Variants in SLC44A1 observed in about 807,000 individuals in gnomAD.
The protein encoded by SLC44A1 is solute carrier family 44 member 1, also known as choline transporter-like protein 1.
In SLC44A1, 26 loss-of-function variants were observed where a neutral mutation model predicts 79.3. That is an observed-to-expected ratio of 0.33 (90% CI 0.24 to 0.46). The LOEUF (loss-of-function observed/expected upper bound fraction) is 0.46. Among genes scored for constraint, SLC44A1 ranks in the 20% least tolerant of loss-of-function variants. The probability of loss-of-function intolerance (pLI) is 1.00; values close to 1 mark genes in which losing one functional copy is unlikely to be tolerated. For synonymous variants in SLC44A1, 263 were observed against 286.2 expected, an observed-to-expected ratio of 0.92 and a Z score of 0.82; for missense variants, 688 against 798.1, an observed-to-expected ratio of 0.86 and a Z score of 1.66.
At chr9:105,311,834 CTCAGA>C (rs1458761161) in intron 3 of SLC44A1, among the ~76,000 whole-genome samples, 7 of 152,080 alleles carry the variant, frequency 4.6e-5, no homozygotes, top group Non-Finnish European at 1.0e-4. Context: ...TTTTACCCTT[CTCAGA>C]TAAGTCTATA....
At chr9:105,316,129 A>G (rs1002702091) in intron 3 of SLC44A1, among the ~76,000 whole-genome samples, 5 of 152,290 alleles carry the variant, frequency 3.3e-5, no homozygotes, top group Admixed American at 1.3e-4. Flanking sequence ...CAAAATAAAC[A>G]TACTTTTTTT....
intron 5 of SLC44A1, among the ~76,000 whole-genome samples, chr9:105,352,120 A>G (rs1357478510): frequency 6.6e-6 from 1 of 152,208 alleles, no homozygotes; most frequent in Non-Finnish European, 1.5e-5. Context: ...TAAATGAATA[A>G]TAAAAATGTT....
chr9:105,246,850 G>C (rs2131187409), intron 1 of SLC44A1, among the ~76,000 whole-genome samples: 2 of 152,288 alleles, frequency 1.3e-5, no homozygotes, highest in Middle Eastern at 3.4e-3. Context: ...CATTTGTCTA[G>C]CTCCACGTCA....
chr9:105,306,087 C>G (rs1034957574), intron 2 of SLC44A1, among the ~76,000 whole-genome samples: 2 of 152,090 alleles, frequency 1.3e-5, no homozygotes, highest in African/African-American at 4.8e-5. Context: ...TTGTCTGTTC[C>G]TCTTCTCTCT....
At position 105,437,198 on chromosome 9, in the gene SLC44A1, T is replaced by A. The variant is rs566348995; in HGVS notation, c.1951-1083T>A. On this transcript the variant is annotated intron_variant, in intron 15 of 15. Transcript: ENST00000374724. ...GGTACATAGAACACCATGCTACATA[T>A]TGTTACACCTCTGTTAAACATGTAT... Among the ~76,000 whole-genome samples the A allele has an allele frequency of 3.5e-4, 53 of 152,302 alleles. 1 individual carries two copies. The South Asian group carries it at 0.011, about 31-fold the overall frequency.
chr9:105,351,499 C>G (rs1275461675), intron 5 of SLC44A1, among the ~76,000 whole-genome samples: 2 of 147,842 alleles, frequency 1.4e-5, no homozygotes, highest in East Asian at 4.0e-4. Context: ...TGCCACTGCA[C>G]TCCAGCCTGG....
chr9:105,376,777 T>G (rs1402527006), intron 13 of SLC44A1, among the ~76,000 whole-genome samples: 1 of 152,190 alleles, frequency 6.6e-6, no homozygotes, highest in Non-Finnish European at 1.5e-5. Context: ...TTAAGATACT[T>G]TGGGTACCAG....
At chr9:105,374,241 A>G (rs762744239) in intron 12 of SLC44A1, among the ~76,000 whole-genome samples, 35 of 152,226 alleles carry the variant, frequency 2.3e-4, no homozygotes, top group Non-Finnish European at 2.2e-4. Context: ...CTAAATGATT[A>G]CAGTGCACTG....
intron 3 of SLC44A1, among the ~76,000 whole-genome samples, chr9:105,335,257 AAAT>A (rs1471135702): frequency 6.6e-6 from 1 of 152,118 alleles, no homozygotes; most frequent in Non-Finnish European, 1.5e-5. Flanking sequence ...AAGTTTGACA[AAAT>A]AAGAAAAAAT....
At chr9:105,340,566 A>C (rs1827057035) in intron 4 of SLC44A1, among the ~76,000 whole-genome samples, 1 of 152,234 alleles carries the variant, frequency 6.6e-6, no homozygotes, top group Non-Finnish European at 1.5e-5. Context: ...AATTTTTATT[A>C]AGTTCATGAA....
At chr9:105,398,007 G>C (rs144401856), downstream of SLC44A1, among the ~76,000 whole-genome samples, 145 of 152,274 alleles carry the variant, frequency 9.5e-4, no homozygotes, top group Middle Eastern at 3.4e-3. Flanking sequence ...TGTCCATCAT[G>C]GAAGACATTC....
chr9:105,351,568 GAA>G (rs1275165698), intron 5 of SLC44A1, among the ~76,000 whole-genome samples: 3,822 of 123,650 alleles, frequency 0.031, 185 homozygotes, highest in African/African-American at 0.067. Context: ...GAGAAAGAGA[GAA>G]AGAGAGAAAG....
chr9:105,433,210 T>G (rs1380271815), intron 15 of SLC44A1, among the ~76,000 whole-genome samples: 2 of 152,016 alleles, frequency 1.3e-5, no homozygotes, highest in South Asian at 4.1e-4. Flanking sequence ...GAAGGAGAAT[T>G]GCTTGAACCC....
intron 15 of SLC44A1, among the ~76,000 whole-genome samples, chr9:105,435,595 G>A (rs1170791834): frequency 1.3e-5 from 2 of 152,192 alleles, no homozygotes; most frequent in Non-Finnish European, 1.5e-5. Flanking sequence ...TGGTTAATCA[G>A]TTAAGGCAGG....
rs1588866170 is a variant in SLC44A1, at chr9:105,394,826, G to A, written c.*5770G>A. The A allele has an allele frequency of 6.1e-6, 6 of 985,424 alleles. No homozygotes were observed. Among genetic ancestry groups the A allele is most frequent in the South Asian group, 4.7e-5 (1 of 21,292 alleles). The allele number at this position is 985,424 out of a possible 1,614,324, so 61.0% of individuals were successfully genotyped here. On this transcript the variant is annotated 3_prime_UTR_variant, in exon 16 of 16. Transcript: ENST00000374720. ...TTTTTCTTCCTGCATAAATCACGGA[G>A]GTGTGTTCTGTTTTAGTGTTTTCCA...
intron 13 of SLC44A1, among the ~76,000 whole-genome samples, chr9:105,375,603 AT>A (rs550764689): frequency 8.8e-4 from 134 of 152,330 alleles, no homozygotes; most frequent in African/African-American, 3.0e-3. Context: ...TGCTTGACAC[AT>A]TTTAAGTTCT....
At chr9:105,438,420 T>C (rs34228677) in exon 16 of SLC44A1, 17,823 of 781,238 alleles carry the variant, frequency 0.023, 304 homozygotes, top group African/African-American at 0.053. Context: ...TGAAAGCATG[T>C]AACAAGTTTC....
At chr9:105,264,780 T>C (rs4576475) in intron 1 of SLC44A1, among the ~76,000 whole-genome samples, 2 of 151,652 alleles carry the variant, frequency 1.3e-5, no homozygotes, top group African/African-American at 4.9e-5. Context: ...AAGATCTCCC[T>C]TCACATCATA....
At chr9:105,304,838 T>C (rs1471991905) in intron 2 of SLC44A1, among the ~76,000 whole-genome samples, 2 of 152,028 alleles carry the variant, frequency 1.3e-5, no homozygotes, top group Admixed American at 1.3e-4. Context: ...CTCATGCTGA[T>C]TATTTTCTTC....
Sources: gnomAD v4.1 joint callset for allele counts (sites outside exome capture counted in the v4.1 genomes callset) on GRCh38, gnomAD v4.1.1 for gene constraint, MANE v1.5 for transcripts, NCBI Gene and HGNC (gene_info 2026-07-23, HGNC 2026-07-21) for gene names.